Variants in MACROD2 observed in about 807,000 individuals in gnomAD.
MACROD2 encodes the protein mono-ADP ribosylhydrolase 2.
Under a neutral mutation model 70.4 loss-of-function variants are expected in MACROD2, and 36 were observed. The observed-to-expected ratio is 0.51, with a 90% CI of 0.39 to 0.68. The LOEUF (loss-of-function observed/expected upper bound fraction) is 0.68. MACROD2 is among the 30% of genes least tolerant of loss of function. MACROD2 has a pLI of 0.00. For missense variants in MACROD2, 496 were observed against 538.4 expected, an observed-to-expected ratio of 0.92 and a Z score of 0.78; for synonymous variants, 172 against 178.8, an observed-to-expected ratio of 0.96 and a Z score of 0.30.
intron 4 of MACROD2, among the ~76,000 whole-genome samples, chr20:14,562,094 G>A (rs1979472088): frequency 6.6e-6 from 1 of 151,744 alleles, no homozygotes; most frequent in African/African-American, 2.4e-5. Flanking sequence ...TATCCCTCTG[G>A]ACGAGCAAAA....
rs1169759067 is a variant in MACROD2 at position 15,247,961 on chromosome 20, G to T, written c.540+17900G>T. On this transcript the variant is annotated intron_variant, in intron 6 of 17. Transcript: ENST00000684519. ...GATCTGCCTGTCTTGGCTTCCCAAAGTGCTGGGATTACAGGCATGAGCCAC... is the reference window on the plus strand; with the variant it reads ...GATCTGCCTGTCTTGGCTTCCCAAATTGCTGGGATTACAGGCATGAGCCAC... 3.2e-4 allele frequency among the ~76,000 whole-genome samples: 49 copies of T among 152,178 alleles called. 1 individual carries two copies. The highest frequency in any genetic ancestry group is 3.1e-3 in the Admixed American group (48 of 15,280).
chr20:14,387,100 T>C (rs897231724), intron 3 of MACROD2, among the ~76,000 whole-genome samples: 2 of 152,244 alleles, frequency 1.3e-5, no homozygotes, highest in Non-Finnish European at 2.9e-5. Flanking sequence ...TCTTCAGCTT[T>C]TTCAACATAA....
chr20:15,536,848 A>T (rs1469458340), intron 8 of MACROD2, among the ~76,000 whole-genome samples: 1 of 152,124 alleles, frequency 6.6e-6, no homozygotes, highest in Non-Finnish European at 1.5e-5. Flanking sequence ...AGTGGAAGTG[A>T]TCATGTCACC....
intron 8 of MACROD2, among the ~76,000 whole-genome samples, chr20:15,758,482 C>T (rs974424415): frequency 2.0e-5 from 3 of 151,530 alleles, no homozygotes; most frequent in Admixed American, 1.3e-4. Flanking sequence ...CCAAGTGATC[C>T]GACTGCCTCA....
intron 8 of MACROD2, among the ~76,000 whole-genome samples, chr20:15,824,114 C>G (rs1325702527): frequency 2.0e-5 from 3 of 152,152 alleles, no homozygotes; most frequent in Admixed American, 1.3e-4. Flanking sequence ...CAGTGATGGA[C>G]TTGAATTGAC....
chr20:15,304,050 A>G (rs1224387619), intron 6 of MACROD2, among the ~76,000 whole-genome samples: 1 of 151,998 alleles, frequency 6.6e-6, no homozygotes, highest in African/African-American at 2.4e-5. Context: ...CCTCACCACA[A>G]GCTTCTTGAA....
Position 15,748,483 on chromosome 20 carries a change from A to C in MACROD2, c.646-114262A>C, listed in dbSNP as rs574480832. The stretch of plus-strand genomic sequence containing the variant: ...CCCTCGGATTTGGGGCTTGTGGTGG[A>C]ATATAGGTTATAATTAGTTCAGCCT... On this transcript the variant is annotated intron_variant, in intron 8 of 17. Transcript: ENST00000684519. Among the ~76,000 whole-genome samples the C allele has an allele frequency of 8.6e-5, 13 of 151,764 alleles. 1 individual carries two copies. In the East Asian group the frequency reaches 1.7e-3, roughly 20 times the overall value.
chr20:14,207,222 C>T (rs367755233), intron 3 of MACROD2, among the ~76,000 whole-genome samples: 1 of 152,106 alleles, frequency 6.6e-6, no homozygotes. Flanking sequence ...CTTAGCCTCC[C>T]GAGTAGCTGG....
chr20:14,113,020 A>G (rs1009292585), intron 3 of MACROD2, among the ~76,000 whole-genome samples: 1 of 151,982 alleles, frequency 6.6e-6, no homozygotes, highest in African/African-American at 2.4e-5. Context: ...TTGTAGCCCA[A>G]ATTTGTGCCT....
At chr20:15,604,895 T>G (rs1324627773) in intron 8 of MACROD2, among the ~76,000 whole-genome samples, 1 of 152,204 alleles carries the variant, frequency 6.6e-6, no homozygotes, top group Non-Finnish European at 1.5e-5. Flanking sequence ...CACCCTTCTT[T>G]CCCTTTAGCA....
chr20:14,767,023 C>T (rs142158526), intron 5 of MACROD2, among the ~76,000 whole-genome samples: 2 of 152,090 alleles, frequency 1.3e-5, no homozygotes, highest in Admixed American at 1.3e-4. Context: ...GATGTGCGAA[C>T]AAACATTCTC....
At chr20:14,212,707 T>G (rs557072360) in intron 3 of MACROD2, among the ~76,000 whole-genome samples, 1 of 151,786 alleles carries the variant, frequency 6.6e-6, no homozygotes, top group South Asian at 2.1e-4. Context: ...TCTCTAAAAT[T>G]GGGGTAAAAC....
rs1568567270 is a variant in MACROD2, at chr20:15,088,400, TATATATATATATATATATATATATATATA to T, written c.419-141539_419-141511del. Among the ~76,000 whole-genome samples the T allele has an allele frequency of 0.029, 211 of 7,402 alleles. 9 individuals carry two copies. In the East Asian group the frequency reaches 0.29, roughly 10 times the overall value. 4.9% of individuals were successfully genotyped at this position (7,402 alleles called of 152,430 possible). A position where few individuals can be genotyped will look rare whatever the true frequency, so the allele number is the denominator to read the frequency against. On this transcript the variant is annotated intron_variant, in intron 5 of 17. Coordinates refer to ENST00000684519, the MANE Select transcript of MACROD2 (RefSeq NM_001351661.2). Reference sequence around the variant, plus strand: ...ATTAAAACATATATACTATATTTTATATATATATATATATATATATATATATATATATATATATATATATATATATAATA... The same window carrying T: ...ATTAAAACATATATACTATATTTTATTATATATATATATATATATATAATA...
At chr20:14,067,548 T>C (rs2053780087) in intron 2 of MACROD2, among the ~76,000 whole-genome samples, 1 of 152,240 alleles carries the variant, frequency 6.6e-6, no homozygotes, top group African/African-American at 2.4e-5. Context: ...AACTTTATTT[T>C]TACACAAGAT....
chr20:14,425,842 C>T (rs2083926918), intron 3 of MACROD2, among the ~76,000 whole-genome samples: 2 of 152,098 alleles, frequency 1.3e-5, no homozygotes, highest in South Asian at 2.1e-4. Flanking sequence ...GACACTCATC[C>T]CTCTGTATCT....
chr20:15,801,560 G>A (rs1290347297), intron 8 of MACROD2, among the ~76,000 whole-genome samples: 6 of 151,826 alleles, frequency 4.0e-5, no homozygotes, highest in East Asian at 1.9e-4. Context: ...ATTAATCTAC[G>A]CATCTGTTTT....
intron 5 of MACROD2, among the ~76,000 whole-genome samples, chr20:14,784,054 A>C (rs117327325): frequency 6.6e-6 from 1 of 152,252 alleles, no homozygotes; most frequent in East Asian, 1.9e-4. Context: ...TGGTAAAGGC[A>C]GGGGGATGTG....
chr20:15,817,492 A>G (rs985514273), intron 8 of MACROD2, among the ~76,000 whole-genome samples: 1 of 152,214 alleles, frequency 6.6e-6, no homozygotes, highest in Admixed American at 6.5e-5. Flanking sequence ...CACTTATGCA[A>G]GCTTGAATGG....
chr20:14,359,864 A>G (rs2083205625), intron 3 of MACROD2, among the ~76,000 whole-genome samples: 1 of 152,204 alleles, frequency 6.6e-6, no homozygotes, highest in Admixed American at 6.5e-5. Flanking sequence ...CCTGTCTCAA[A>G]CAAAGAAGGG....
Sources: allele counts gnomAD v4.1 joint callset (sites outside exome capture counted in the v4.1 genomes callset), GRCh38; gene constraint gnomAD v4.1.1; transcripts MANE v1.5; gene names NCBI Gene and HGNC (gene_info 2026-07-23, HGNC 2026-07-21).